Variants in MCTP1 observed in about 807,000 individuals in gnomAD.
MCTP1 encodes the protein multiple C2 and transmembrane domain containing 1.
In MCTP1, 69 loss-of-function variants were observed where a neutral mutation model predicts 120.6. The ratio of observed to expected loss-of-function variants is 0.57; its 90% confidence interval spans 0.47 to 0.70. The LOEUF is 0.70. MCTP1 is among the 30% of genes least tolerant of loss of function. The probability of loss-of-function intolerance (pLI) is 0.00; values close to 1 mark genes in which losing one functional copy is unlikely to be tolerated. For synonymous variants in MCTP1, 529 were observed against 493.1 expected (o/e 1.07, Z -0.96); for missense variants, 1,203 against 1,248.8 (o/e 0.96, Z 0.55).
At chr5:94,952,171 C>CAAAAAAAAAAAAAAAAAAAAAAAA (rs57358026) in intron 3 of MCTP1, among the ~76,000 whole-genome samples, 1 of 87,888 alleles carries the variant, frequency 1.1e-5, no homozygotes, top group Non-Finnish European at 2.2e-5. Context: ...GACTTTGTCG[C>CAAAAAAAAAAAAAAAAAAAAAAAA]AAAAAAAAAA....
At chr5:94,863,000 T>C (rs1796108205) in intron 17 of MCTP1, among the ~76,000 whole-genome samples, 1 of 151,820 alleles carries the variant, frequency 6.6e-6, no homozygotes, top group African/African-American at 2.4e-5. Flanking sequence ...AAATTTTATA[T>C]AGGTTTTCTT....
intron 11 of MCTP1, among the ~76,000 whole-genome samples, chr5:94,891,063 T>C (rs1802479416): frequency 6.6e-6 from 1 of 152,246 alleles, no homozygotes; most frequent in Non-Finnish European, 1.5e-5. Context: ...CAGTCCCGTA[T>C]GACCAGTAAT....
chr5:94,714,670 CAGA>C (rs1758422457), intron 20 of MCTP1, 104 bp downstream of exon 20: 2 of 761,950 alleles, frequency 2.6e-6, no homozygotes, highest in South Asian at 2.9e-5. Flanking sequence ...ATAGAGCACC[CAGA>C]AGGAGTGTCC....
chr5:94,897,708 T>C (rs1289547400), intron 10 of MCTP1, among the ~76,000 whole-genome samples: 1 of 152,148 alleles, frequency 6.6e-6, no homozygotes, highest in Admixed American at 6.5e-5. Context: ...GGTGGGCACA[T>C]GTGCAGGTTT....
chr5:94,733,735 G>A (rs1037759258), intron 19 of MCTP1, among the ~76,000 whole-genome samples: 2 of 152,138 alleles, frequency 1.3e-5, no homozygotes, highest in Non-Finnish European at 1.5e-5. Context: ...GGAGGACAAG[G>A]CAGGCAGATC....
At chr5:95,218,808 C>T (rs1315267383) in intron 1 of MCTP1, among the ~76,000 whole-genome samples, 1 of 152,130 alleles carries the variant, frequency 6.6e-6, no homozygotes, top group Non-Finnish European at 1.5e-5. Context: ...CTGAGGCTAC[C>T]AACCTACACA....
chr5:95,188,685 T>G (rs1749502460), intron 1 of MCTP1, among the ~76,000 whole-genome samples: 1 of 152,128 alleles, frequency 6.6e-6, no homozygotes, highest in Non-Finnish European at 1.5e-5. Context: ...GGGTTGGGGA[T>G]GGAGGAGATG....
chr5:94,785,497 C>A (rs754676968), intron 18 of MCTP1, among the ~76,000 whole-genome samples: 14 of 151,878 alleles, frequency 9.2e-5, no homozygotes, highest in Non-Finnish European at 8.8e-5. Context: ...AAAGTATACA[C>A]CAAAGGCCAA....
At chr5:95,108,168 C>T (rs998262633) in intron 1 of MCTP1, among the ~76,000 whole-genome samples, 1 of 152,142 alleles carries the variant, frequency 6.6e-6, no homozygotes, top group Non-Finnish European at 1.5e-5. Context: ...TGCCTGTTTC[C>T]CCATTCTCCT....
chr5:95,266,775 C>T (rs1244743303), intron 1 of MCTP1, among the ~76,000 whole-genome samples: 2 of 152,146 alleles, frequency 1.3e-5, no homozygotes, highest in African/African-American at 4.8e-5. Context: ...GATTGGCAAA[C>T]CTCAGTCGGG....
At chr5:95,162,815 C>T (rs1186587617) in intron 1 of MCTP1, among the ~76,000 whole-genome samples, 1 of 152,122 alleles carries the variant, frequency 6.6e-6, no homozygotes, top group Admixed American at 6.6e-5. Flanking sequence ...TGTGCTCTTC[C>T]CTCAGGATTT....
At chr5:94,955,457 C>T (rs982926919) in intron 2 of MCTP1, among the ~76,000 whole-genome samples, 4 of 152,108 alleles carry the variant, frequency 2.6e-5, no homozygotes, top group East Asian at 1.9e-4. Context: ...GCCAGGTTGC[C>T]GAGTGGTCTT....
chr5:94,917,393 A>G (rs1810356855), intron 8 of MCTP1, among the ~76,000 whole-genome samples: 1 of 152,346 alleles, frequency 6.6e-6, no homozygotes, highest in African/African-American at 2.4e-5. Flanking sequence ...AAAGAACAAA[A>G]CCAAAGCCCT....
At chr5:95,246,210 C>A (rs1356923473) in intron 1 of MCTP1, among the ~76,000 whole-genome samples, 1 of 152,146 alleles carries the variant, frequency 6.6e-6, no homozygotes, top group Non-Finnish European at 1.5e-5. Context: ...CTAGTACCAG[C>A]CACTGCAAAA....
chr5:95,250,014 G>C (rs1451043029), intron 1 of MCTP1, among the ~76,000 whole-genome samples: 9 of 152,134 alleles, frequency 5.9e-5, no homozygotes, highest in Admixed American at 5.9e-4. Context: ...TGGGAGAGTG[G>C]GGGCCTGGGA....
chr5:94,987,307 C>T (rs921905341), intron 2 of MCTP1, among the ~76,000 whole-genome samples: 2 of 152,110 alleles, frequency 1.3e-5, no homozygotes, highest in African/African-American at 4.8e-5. Context: ...AAGCATGGGG[C>T]TTTGCAGGGT....
intron 18 of MCTP1, among the ~76,000 whole-genome samples, chr5:94,794,286 A>G (rs1305108326): frequency 6.6e-6 from 1 of 152,264 alleles, no homozygotes; most frequent in South Asian, 2.1e-4. Context: ...TCACAAAAAA[A>G]TTATTCACGA....
chr5:94,775,988 A>G (rs2152923811), intron 19 of MCTP1, among the ~76,000 whole-genome samples: 1 of 148,086 alleles, frequency 6.8e-6, no homozygotes, highest in East Asian at 1.9e-4. Context: ...TATATTTAAA[A>G]AGCCATAATC....
intron 9 of MCTP1, among the ~76,000 whole-genome samples, chr5:94,912,505 T>C (rs1013290050): frequency 6.9e-6 from 1 of 144,004 alleles, no homozygotes; most frequent in Admixed American, 7.0e-5. Flanking sequence ...GCATCAACTA[T>C]GTGTTTTCTG....
Sources: allele counts gnomAD v4.1 joint callset (sites outside exome capture counted in the v4.1 genomes callset), GRCh38; gene constraint gnomAD v4.1.1; transcripts MANE v1.5; gene names NCBI Gene and HGNC (gene_info 2026-07-23, HGNC 2026-07-21).